POLR3B: variants seen among roughly 807,000 people sequenced by gnomAD.
The protein encoded by POLR3B is DNA-directed RNA polymerase III subunit RPC2.
Under a neutral mutation model 147.4 loss-of-function variants are expected in POLR3B, and 96 were observed. That is an observed-to-expected ratio of 0.65 (90% CI 0.55 to 0.77). POLR3B has a LOEUF of 0.77. POLR3B is among the 30% of genes least tolerant of loss of function. The pLI is 0.00. For synonymous variants in POLR3B, 461 were observed against 485.9 expected, an observed-to-expected ratio of 0.95 and a Z score of 0.67; for missense variants, 1,036 against 1,413.5, an observed-to-expected ratio of 0.73 and a Z score of 4.28.
At chr12:106,428,092 G>C (rs916699650) in intron 13 of POLR3B, among the ~76,000 whole-genome samples, 1 of 152,150 alleles carries the variant, frequency 6.6e-6, no homozygotes, top group Non-Finnish European at 1.5e-5. Context: ...TGTGTGAGTG[G>C]CCCATACAGT....
intron 8 of POLR3B, among the ~76,000 whole-genome samples, chr12:106,379,627 T>C (rs939667864): frequency 6.6e-6 from 1 of 152,232 alleles, no homozygotes; most frequent in Non-Finnish European, 1.5e-5. Context: ...TTTTGTTGAA[T>C]TACTAGTTTA....
chr12:106,397,246 T>A (rs1407871244), intron 10 of POLR3B, among the ~76,000 whole-genome samples: 1 of 152,182 alleles, frequency 6.6e-6, no homozygotes, highest in Non-Finnish European at 1.5e-5. Flanking sequence ...GTGTTATAAA[T>A]GCTCATGTAT....
chr12:106,475,757 T>G (rs1275208048), intron 23 of POLR3B, among the ~76,000 whole-genome samples: 2 of 148,916 alleles, frequency 1.3e-5, no homozygotes, highest in Non-Finnish European at 3.0e-5. Flanking sequence ...AGCCTATGTG[T>G]GTCTCTGCAC....
chr12:106,362,361 G>A (rs1353289857), intron 1 of POLR3B, among the ~76,000 whole-genome samples: 5 of 152,228 alleles, frequency 3.3e-5, no homozygotes, highest in African/African-American at 1.2e-4. Context: ...TAGGGCTGCC[G>A]TAACAAAGTA....
intron 18 of POLR3B, among the ~76,000 whole-genome samples, chr12:106,442,706 G>T (rs776566086): frequency 6.6e-6 from 1 of 150,536 alleles, no homozygotes; most frequent in African/African-American, 2.5e-5. Context: ...CTGGGACGTG[G>T]TTTCTTGGAC....
intron 12 of POLR3B, among the ~76,000 whole-genome samples, chr12:106,419,753 T>C (rs2037349554): frequency 8.3e-6 from 1 of 120,402 alleles, no homozygotes; most frequent in Non-Finnish European, 1.6e-5. Context: ...TGAAGAAGTC[T>C]ACTTTTTTTT....
chr12:106,379,814 C>A (rs1249163724), intron 8 of POLR3B, among the ~76,000 whole-genome samples: 1 of 152,180 alleles, frequency 6.6e-6, no homozygotes, highest in Non-Finnish European at 1.5e-5. Context: ...CCATCATAAT[C>A]TCAAAGTCAA....
At chr12:106,491,251 A>G (rs184711189) in intron 23 of POLR3B, among the ~76,000 whole-genome samples, 86 of 152,340 alleles carry the variant, frequency 5.6e-4, no homozygotes, top group African/African-American at 1.9e-3. Flanking sequence ...AGAGCAAACA[A>G]CTAAGGCTCA....
At chr12:106,399,079 C>A (rs1242741558) in intron 10 of POLR3B, among the ~76,000 whole-genome samples, 1 of 151,850 alleles carries the variant, frequency 6.6e-6, no homozygotes, top group Non-Finnish European at 1.5e-5. Flanking sequence ...AAGTTAAAAA[C>A]TGAAAAAAAA....
intron 8 of POLR3B, among the ~76,000 whole-genome samples, chr12:106,378,793 C>G (rs1299237855): frequency 2.0e-5 from 3 of 152,164 alleles, no homozygotes; most frequent in South Asian, 2.1e-4. Flanking sequence ...ATTGAATGAC[C>G]TGTATCATGG....
At position 106,365,918 on chromosome 12, in the gene POLR3B, C is replaced by T. The variant is rs114452124; in HGVS notation, c.106-598C>T. Among the ~76,000 whole-genome samples the T allele has an allele frequency of 6.7e-3, 1,015 of 152,014 alleles. 13 individuals carry two copies. Among genetic ancestry groups the T allele is most frequent in the African/African-American group, 0.022 (925 of 41,432 alleles). On this transcript the variant is annotated intron_variant, in intron 2 of 27. Coordinates refer to ENST00000228347, the MANE Select transcript of POLR3B (RefSeq NM_018082.6). Reference sequence around the variant, plus strand: ...TAAGATACAAATACACACATTAGCCCGGGCCAGAATCATCAATATCACTGT... The same window carrying T: ...TAAGATACAAATACACACATTAGCCTGGGCCAGAATCATCAATATCACTGT...
intron 1 of POLR3B, among the ~76,000 whole-genome samples, chr12:106,362,629 T>G (rs1298304036): frequency 3.3e-5 from 5 of 152,124 alleles, no homozygotes; most frequent in Non-Finnish European, 7.4e-5. Flanking sequence ...ATTTCTCCTT[T>G]TTTATAAGGA....
chr12:106,403,537 A>G (rs575824224), intron 10 of POLR3B, among the ~76,000 whole-genome samples: 2 of 152,286 alleles, frequency 1.3e-5, no homozygotes, highest in South Asian at 4.1e-4. Flanking sequence ...ACTATTCACA[A>G]TAGCAAAGAC....
intron 21 of POLR3B, 80 bp from the exon 22 acceptor site, chr12:106,459,171 G>A (rs2037903434): frequency 4.8e-6 from 4 of 835,824 alleles, no homozygotes; most frequent in South Asian, 4.0e-5. Context: ...CTGCAGGCCT[G>A]TGCATCTTTG....
At chr12:106,379,994 TG>T (rs773231057) in intron 8 of POLR3B, 36 bp from the exon 9 acceptor site, 2 of 1,169,896 alleles carry the variant, frequency 1.7e-6, no homozygotes, top group Non-Finnish European at 2.6e-6. Flanking sequence ...TGAAACTAAG[TG>T]GGGATGCAGT....
chr12:106,498,006 G>T (rs2038523014), intron 25 of POLR3B, among the ~76,000 whole-genome samples: 1 of 152,180 alleles, frequency 6.6e-6, no homozygotes, highest in Admixed American at 6.5e-5. Flanking sequence ...CCAGGGCATA[G>T]CACAGGGCCT....
intron 4 of POLR3B, among the ~76,000 whole-genome samples, chr12:106,368,031 G>A (rs2036556114): frequency 1.3e-5 from 2 of 151,984 alleles, no homozygotes; most frequent in Admixed American, 6.6e-5. Context: ...ACTCATGGAT[G>A]TTTTATTTTA....
intron 25 of POLR3B, chr12:106,500,039 G>T (rs1057374107): frequency 8.8e-6 from 4 of 454,974 alleles, no homozygotes; most frequent in Admixed American, 4.7e-5. Context: ...CCCTGGATTT[G>T]AACCCTCACT....
chr12:106,478,953 G>A (rs374836016), intron 23 of POLR3B, among the ~76,000 whole-genome samples: 1 of 151,988 alleles, frequency 6.6e-6, no homozygotes, highest in East Asian at 1.9e-4. Flanking sequence ...CTTCTTCCTC[G>A]TGTTTTTGTG....
Sources: allele counts gnomAD v4.1 joint callset (sites outside exome capture counted in the v4.1 genomes callset), GRCh38; gene constraint gnomAD v4.1.1; transcripts MANE v1.5; gene names NCBI Gene and HGNC (gene_info 2026-07-23, HGNC 2026-07-21).